Variants in ARL13A observed in about 807,000 individuals in gnomAD.
The protein encoded by ARL13A is ADP-ribosylation factor-like protein 13A.
A neutral mutation model predicts 19.1 loss-of-function variants in ARL13A; 16 were observed. The ratio of observed to expected loss-of-function variants is 0.84; its 90% CI spans 0.57 to 1.27. ARL13A has a LOEUF of 1.27. Among genes scored for constraint, ARL13A ranks in the 50% most tolerant of loss-of-function variants. The pLI is 0.00. For missense variants in ARL13A, 153 were observed against 186.4 expected, an observed-to-expected ratio of 0.82 and a Z score of 1.04; for synonymous variants, 69 against 71.3, an observed-to-expected ratio of 0.97 and a Z score of 0.17.
At position 100,985,761 on chromosome X, in the gene ARL13A, C is replaced by G; in HGVS notation, c.225C>G (p.Asp75Glu). 8.3e-7 allele frequency: 1 copy of G among 1,211,250 alleles called. No homozygotes were observed. Among genetic ancestry groups the G allele is most frequent in the East Asian group, 3.0e-5 (1 of 33,834 alleles). Residue 75 changes from aspartate to glutamate, a missense_variant, in exon 4 of 8, where the codon GAC becomes GAG. By Grantham distance (45) the Asp-to-Glu change is conservative. Coordinates refer to ENST00000450049, the MANE Select transcript of ARL13A (RefSeq NM_001162491.2). Reference protein sequence around the residue: ...YELSIYDLNGDLKGREAWPNY... With the variant: ...YELSIYDLNGELKGREAWPNY... Reference sequence around the variant, plus strand: ...TTTCCATCTATGACCTGAATGGAGACCTGAAGGGCCGGGAAGCATGGCCAA... The same window carrying G: ...TTTCCATCTATGACCTGAATGGAGAGCTGAAGGGCCGGGAAGCATGGCCAA...
intron 4 of ARL13A, among the ~76,000 whole-genome samples, 190 bp downstream of exon 4, chrX:100,986,106 G>A (rs1399338415): frequency 9.0e-6 from 1 of 111,291 alleles, no homozygotes; most frequent in Non-Finnish European, 1.9e-5. Context: ...CACTGCCATG[G>A]GGGACAAGTT....
intron 7 of ARL13A, among the ~76,000 whole-genome samples, chrX:100,989,494 C>T (rs1406724630): frequency 9.2e-6 from 1 of 109,129 alleles, no homozygotes; most frequent in Non-Finnish European, 1.9e-5. Flanking sequence ...CCTGTATTCC[C>T]AGCTACTGGG....
intron 7 of ARL13A, 79 bp downstream of exon 7, chrX:100,988,362 T>C (rs979766072): frequency 1.7e-6 from 2 of 1,206,762 alleles, no homozygotes; most frequent in Non-Finnish European, 2.2e-6. Flanking sequence ...CCCCCCATCA[T>C]CTTCTTGCTG....
At chrX:100,984,156 C>G (rs190094771) in intron 3 of ARL13A, among the ~76,000 whole-genome samples, 209 of 107,758 alleles carry the variant, frequency 1.9e-3, no homozygotes, top group South Asian at 0.018. Context: ...TCTTGTCCCC[C>G]ATGCTGGAGT....
rs141919998 is a variant in ARL13A at position 100,982,752 on chromosome X, C to A, written c.131-2915C>A. Among the ~76,000 whole-genome samples the A allele has an allele frequency of 5.0e-3, 535 of 106,744 alleles. 5 individuals carry two copies. Among genetic ancestry groups the A allele is most frequent in the African/African-American group, 0.017 (508 of 29,311 alleles). 92.7% of individuals were successfully genotyped at this position (106,744 alleles called of 115,157 possible). A position where few individuals can be genotyped will look rare whatever the true frequency, so the allele number is the denominator to read the frequency against. On this transcript the variant is annotated intron_variant, in intron 3 of 7. Transcript: ENST00000450049. ...GTCACTACAGCCTCGATTGACCAGG[C>A]TCAAGCGATCCTCCCACCTCAGGCT...
At chrX:100,976,249 T>G (rs956831196) in intron 3 of ARL13A, among the ~76,000 whole-genome samples, 1 of 110,002 alleles carries the variant, frequency 9.1e-6, no homozygotes, top group Non-Finnish European at 1.9e-5. Flanking sequence ...CCTCAGGGGT[T>G]TCTGATGGCC....
At chrX:100,974,955 AAGT>A (rs1485133978) in intron 3 of ARL13A, among the ~76,000 whole-genome samples, 4 of 111,382 alleles carry the variant, frequency 3.6e-5, no homozygotes, top group African/African-American at 1.3e-4. Flanking sequence ...GACCTACCTG[AAGT>A]GCTCATCAAT....
intron 7 of ARL13A, among the ~76,000 whole-genome samples, chrX:100,989,910 G>C (rs2085995796): frequency 8.8e-6 from 1 of 113,002 alleles, no homozygotes; most frequent in Non-Finnish European, 1.9e-5. Context: ...CTGGGGACAA[G>C]GGGTGAGGAT....
chrX:100,973,576 C>T, intron 1 of ARL13A, 100 bp from the exon 2 acceptor site: 1 of 955,597 alleles, frequency 1.0e-6, no homozygotes, highest in Non-Finnish European at 1.5e-6. Context: ...CAATCCCAGG[C>T]TTTCTGTTTA....
Position 100,988,182 on chromosome X carries a change from T to C in ARL13A, c.654-11T>C, listed in dbSNP as rs2085963077. On this transcript the variant is annotated splice_polypyrimidine_tract_variant and intron_variant, in intron 6 of 7. Coordinates refer to ENST00000450049, the MANE Select transcript of ARL13A (RefSeq NM_001162491.2). ...GTTTCTACTACTGCTGTCCTTTCCA[T>C]CTTCCACCAGCTTCTCCACCAGAAC... 6 of 1,196,214 alleles carry C rather than the reference T, an allele frequency of 5.0e-6. No individual in the cohort carries two copies. The highest frequency in any genetic ancestry group is 5.9e-5 in the East Asian group (2 of 33,632).
At chrX:100,976,971 A>G (rs1030733338) in intron 3 of ARL13A, among the ~76,000 whole-genome samples, 1 of 112,723 alleles carries the variant, frequency 8.9e-6, no homozygotes, top group African/African-American at 3.2e-5. Context: ...AGAACTGTGA[A>G]CACTTGAAGA....
intron 7 of ARL13A, among the ~76,000 whole-genome samples, chrX:100,989,071 C>A (rs185920084): frequency 1.1e-3 from 123 of 109,423 alleles, no homozygotes; most frequent in Non-Finnish European, 2.0e-3. Context: ...AATTAGGATG[C>A]ATCTATGCCA....
At chrX:100,981,609 G>T (rs1395806848) in intron 3 of ARL13A, among the ~76,000 whole-genome samples, 1 of 104,569 alleles carries the variant, frequency 9.6e-6, no homozygotes, top group African/African-American at 3.5e-5. Flanking sequence ...TTCAAGACCA[G>T]CCTGGGCAAC....
At chrX:100,988,632 A>G (rs984665835) in intron 7 of ARL13A, 4 of 794,112 alleles carry the variant, frequency 5.0e-6, no homozygotes, top group South Asian at 3.0e-5. Flanking sequence ...TAGTATTCCA[A>G]TTTTGAGCCT....
chrX:100,976,495 T>C (rs1230281380), intron 3 of ARL13A, among the ~76,000 whole-genome samples: 2 of 111,825 alleles, frequency 1.8e-5, no homozygotes, highest in East Asian at 5.6e-4. Context: ...CTGAAGAATG[T>C]CTCAGGCCAC....
intron 6 of ARL13A, 39 bp from the exon 7 acceptor site, chrX:100,988,154 T>C (rs771238491): frequency 5.5e-6 from 6 of 1,093,350 alleles, no homozygotes; most frequent in East Asian, 6.2e-5. Flanking sequence ...TTGAAGTGTG[T>C]CCGTTTCTAC....
At chrX:100,974,406 C>A (rs1023643010) in intron 3 of ARL13A, among the ~76,000 whole-genome samples, 1 of 109,704 alleles carries the variant, frequency 9.1e-6, no homozygotes, top group African/African-American at 3.3e-5. Flanking sequence ...CCTCCCTTCC[C>A]CACATTACAT....
Position 100,987,567 on chromosome X carries a change from G to A in ARL13A, c.653+11G>A. Reference sequence around the variant, plus strand: ...ATGCTCATCACACAGGTACTGAGATGCCGCTATGAGATTTGCTGATAAGAA... The same window carrying A: ...ATGCTCATCACACAGGTACTGAGATACCGCTATGAGATTTGCTGATAAGAA... On this transcript the variant is annotated intron_variant, in intron 6 of 7. Coordinates refer to ENST00000450049, the MANE Select transcript of ARL13A (RefSeq NM_001162491.2). The A allele has an allele frequency of 1.7e-6, 2 of 1,206,426 alleles. No individual in the cohort carries two copies. Among genetic ancestry groups the A allele is most frequent in the Non-Finnish European group, 2.2e-6 (2 of 893,448 alleles).
chrX:100,980,006 C>T (rs1029302906), intron 3 of ARL13A, among the ~76,000 whole-genome samples: 3 of 110,948 alleles, frequency 2.7e-5, no homozygotes, highest in African/African-American at 9.9e-5. Context: ...GATACAAGCA[C>T]TCTTGTGGCC....
Sources: gnomAD v4.1 joint callset for allele counts (sites outside exome capture counted in the v4.1 genomes callset) on GRCh38, gnomAD v4.1.1 for gene constraint, MANE v1.5 for transcripts, NCBI Gene and HGNC (gene_info 2026-07-23, HGNC 2026-07-21) for gene names.